RGS20: variants seen among roughly 807,000 people sequenced by gnomAD.
The protein encoded by RGS20 is regulator of G protein signaling 20.
RGS20 carries 30 observed loss-of-function variants against 33.6 expected under a neutral mutation model. The observed-to-expected ratio is 0.89, with a 90% confidence interval of 0.67 to 1.21. The LOEUF is 1.21. Among genes scored for constraint, RGS20 ranks in the 50% most tolerant of loss-of-function variants. The pLI is 0.00. For missense variants in RGS20, 472 were observed against 502.4 expected (o/e 0.94, Z 0.58); for synonymous variants, 208 against 197.9 (o/e 1.05, Z -0.43).
chr8:53,931,679 C>T (rs1353588115), intron 2 of RGS20, among the ~76,000 whole-genome samples: 2 of 152,196 alleles, frequency 1.3e-5, no homozygotes, highest in Admixed American at 1.3e-4. Flanking sequence ...TGGGTGACTT[C>T]TGCATTTCCA....
chr8:53,865,234 G>A (rs1455340329), intron 1 of RGS20, among the ~76,000 whole-genome samples: 4 of 152,198 alleles, frequency 2.6e-5, no homozygotes, highest in Non-Finnish European at 4.4e-5. Context: ...TGAGAGATCC[G>A]GCCCAGGTCC....
chr8:53,874,257 G>A (rs1007663262), intron 1 of RGS20, among the ~76,000 whole-genome samples: 4 of 152,098 alleles, frequency 2.6e-5, no homozygotes, highest in Non-Finnish European at 2.9e-5. Flanking sequence ...GATAACTTTG[G>A]CTTCGGTGTT....
intron 2 of RGS20, among the ~76,000 whole-genome samples, chr8:53,906,487 C>T (rs1408944433): frequency 6.6e-6 from 1 of 152,146 alleles, no homozygotes; most frequent in African/African-American, 2.4e-5. Context: ...CCATCCAAGG[C>T]AAAATAGTAT....
intron 2 of RGS20, 97 bp from the exon 2 acceptor site, chr8:53,939,479 G>T: frequency 2.3e-6 from 3 of 1,311,786 alleles, no homozygotes; most frequent in Non-Finnish European, 3.0e-6. Flanking sequence ...TAGTCGCACT[G>T]TATCTTTTCA....
intron 2 of RGS20, among the ~76,000 whole-genome samples, chr8:53,898,334 G>T (rs1397348365): frequency 6.6e-6 from 1 of 152,174 alleles, no homozygotes; most frequent in African/African-American, 2.4e-5. Context: ...CTAGAAGTAG[G>T]TGTGGCCATT....
At chr8:53,951,675 A>G (rs770268689) in intron 4 of RGS20, among the ~76,000 whole-genome samples, 1 of 152,312 alleles carries the variant, frequency 6.6e-6, no homozygotes, top group Non-Finnish European at 1.5e-5. Flanking sequence ...AAGGAACATA[A>G]TTAATCAAAC....
intron 2 of RGS20, among the ~76,000 whole-genome samples, chr8:53,904,788 C>T (rs542109620): frequency 2.0e-5 from 3 of 152,306 alleles, no homozygotes; most frequent in African/African-American, 7.2e-5. Flanking sequence ...TCAGTACTTA[C>T]AAAATGGTCC....
chr8:53,934,019 G>A (rs557482858), intron 2 of RGS20, among the ~76,000 whole-genome samples: 1 of 152,150 alleles, frequency 6.6e-6, no homozygotes, highest in Non-Finnish European at 1.5e-5. Context: ...TGCTTCATAA[G>A]CAAAGGAGAA....
intron 2 of RGS20, among the ~76,000 whole-genome samples, chr8:53,905,759 T>G (rs1292001699): frequency 6.6e-6 from 1 of 152,164 alleles, no homozygotes; most frequent in South Asian, 2.1e-4. Flanking sequence ...AGCAGGTCTG[T>G]TTTTCTAACT....
At chr8:53,868,493 G>C (rs1424030168) in intron 1 of RGS20, among the ~76,000 whole-genome samples, 1 of 152,054 alleles carries the variant, frequency 6.6e-6, no homozygotes, top group African/African-American at 2.4e-5. Flanking sequence ...CGAATAGCTG[G>C]GGGCAGGAGG....
chr8:53,871,357 T>G (rs1434363481), intron 1 of RGS20, among the ~76,000 whole-genome samples: 2 of 151,984 alleles, frequency 1.3e-5, no homozygotes, highest in Non-Finnish European at 2.9e-5. Context: ...AAAACTTTCC[T>G]GGATCAAGTC....
rs138149274 is a variant in RGS20, at chr8:53,943,975, G to A, written c.660-2690G>A. ...GGGTTCCTGCATTTCTAATGATTTT[G>A]CCTTTAAAGAAAAATAGAGCTACAC... On this transcript the variant is annotated intron_variant, in intron 3 of 5. Coordinates refer to ENST00000297313, the MANE Select transcript of RGS20 (RefSeq NM_170587.4). Among the ~76,000 whole-genome samples, 1,129 of 150,500 alleles carry A rather than the reference G, an allele frequency of 7.5e-3. 16 individuals carry two copies. Among genetic ancestry groups the A allele is most frequent in the South Asian group, 0.016 (77 of 4,788 alleles).
rs1029684882 is a variant in RGS20 at position 53,902,160 on chromosome 8, C to T, written c.510+22558C>T. On this transcript the variant is annotated intron_variant, in intron 2 of 5. Coordinates refer to ENST00000297313, the MANE Select transcript of RGS20 (RefSeq NM_170587.4). ...AGCCTCCTGAGTAGCTGGGACTAGGCGCATGTCACCACATCCAGCTAATTT... is the reference window on the plus strand; with the variant it reads ...AGCCTCCTGAGTAGCTGGGACTAGGTGCATGTCACCACATCCAGCTAATTT... Among the ~76,000 whole-genome samples the T allele has an allele frequency of 1.6e-4, 24 of 151,916 alleles. 1 individual carries two copies. Among genetic ancestry groups the T allele is most frequent in the Admixed American group, 1.6e-3 (24 of 15,242 alleles).
chr8:53,914,542 A>C (rs1813431938), intron 2 of RGS20, among the ~76,000 whole-genome samples: 1 of 152,190 alleles, frequency 6.6e-6, no homozygotes. Context: ...TCACTAATTT[A>C]ACAAGCCAGA....
chr8:53,952,439 A>T (rs1814738538), intron 4 of RGS20, among the ~76,000 whole-genome samples: 1 of 151,800 alleles, frequency 6.6e-6, no homozygotes, highest in African/African-American at 2.4e-5. Flanking sequence ...TTAAAAAAAA[A>T]AACTGGCTGG....
chr8:53,880,562 T>TA (rs1480846689), intron 2 of RGS20, among the ~76,000 whole-genome samples: 3 of 152,172 alleles, frequency 2.0e-5, no homozygotes, highest in Non-Finnish European at 4.4e-5. Flanking sequence ...CCCGCTCCCT[T>TA]CATTCACGAG....
chr8:53,905,732 G>A (rs1466079348), intron 2 of RGS20, among the ~76,000 whole-genome samples: 1 of 152,196 alleles, frequency 6.6e-6, no homozygotes, highest in Non-Finnish European at 1.5e-5. Context: ...AACCCAGGGA[G>A]AGTTTAGCAT....
chr8:53,956,824 G>C (rs1004844749), intron 5 of RGS20, among the ~76,000 whole-genome samples: 3 of 152,054 alleles, frequency 2.0e-5, no homozygotes, highest in East Asian at 1.9e-4. Context: ...TTTAAGGCAA[G>C]GTTTTTCATC....
chr8:53,861,465 A>C (rs1315305681), intron 1 of RGS20, among the ~76,000 whole-genome samples: 1 of 152,246 alleles, frequency 6.6e-6, no homozygotes, highest in Non-Finnish European at 1.5e-5. Context: ...AGTTGAGCAA[A>C]ATATGACCAA....
Sources: gnomAD v4.1 joint callset for allele counts (sites outside exome capture counted in the v4.1 genomes callset) on GRCh38, gnomAD v4.1.1 for gene constraint, MANE v1.5 for transcripts, NCBI Gene and HGNC (gene_info 2026-07-23, HGNC 2026-07-21) for gene names.